Variants in CNOT9 observed in about 807,000 individuals in gnomAD.
CNOT9 encodes the protein RCD1 required for cell differentiation1 homolog.
CNOT9 carries 8 observed loss-of-function variants against 37.4 expected under a neutral mutation model. That is an observed-to-expected ratio of 0.21 (90% confidence interval 0.13 to 0.39). The LOEUF is 0.39. Among genes scored for constraint, CNOT9 ranks in the 10% least tolerant of loss-of-function variants. The pLI is 1.00. For missense variants in CNOT9, 154 were observed against 365.3 expected (o/e 0.42, Z 4.71); for synonymous variants, 120 against 137.6 (o/e 0.87, Z 0.90).
At chr2:218,588,588 C>CTTTTTTTTTTTTTTTTTTTT (rs1172484260) in intron 5 of CNOT9, among the ~76,000 whole-genome samples, 2 of 33,452 alleles carry the variant, frequency 6.0e-5, no homozygotes, top group Non-Finnish European at 9.6e-5. Context: ...TCCACCCGGC[C>CTTTTTTTTTTTTTTTTTTTT]TTTTTTTTTT....
At chr2:218,590,060 T>G (rs56144423) in intron 5 of CNOT9, among the ~76,000 whole-genome samples, 2,825 of 150,858 alleles carry the variant, frequency 0.019, 88 homozygotes, top group African/African-American at 0.065. Context: ...TTCTGTTTTT[T>G]TTTTTGTTGT....
intron 4 of CNOT9, among the ~76,000 whole-genome samples, chr2:218,585,170 C>T (rs1411486905): frequency 6.6e-6 from 1 of 152,092 alleles, no homozygotes; most frequent in Non-Finnish European, 1.5e-5. Flanking sequence ...GATCCTCCTG[C>T]CTCAGCCTCC....
intron 1 of CNOT9, among the ~76,000 whole-genome samples, chr2:218,575,683 G>A (rs768604241): frequency 1.3e-5 from 2 of 152,258 alleles, no homozygotes; most frequent in South Asian, 2.1e-4. Flanking sequence ...GATTACAGGC[G>A]TGAGCCACCG....
intron 1 of CNOT9, among the ~76,000 whole-genome samples, chr2:218,571,832 G>A (rs1490420067): frequency 2.0e-5 from 3 of 147,248 alleles, no homozygotes; most frequent in South Asian, 2.2e-4. Flanking sequence ...TGATCTGCCC[G>A]CCTCAGCCCC....
At position 218,593,554 on chromosome 2, in the gene CNOT9, C is replaced by A; in HGVS notation, c.732-554C>A. 2.0e-6 allele frequency: 3 copies of A among 1,502,312 alleles called. No individual in the cohort carries two copies. The South Asian group carries it at 3.8e-5, about 19-fold the overall frequency. The allele number at this position is 1,502,312 out of a possible 1,614,324, so 93.1% of individuals were successfully genotyped here. On this transcript the variant is annotated intron_variant, in intron 7 of 7. Coordinates refer to ENST00000273064, the MANE Select transcript of CNOT9 (RefSeq NM_005444.3). ...TTTTCAGATTTGACTTTCTGCTGGT[C>A]ATCTTTTCAAAGAAAATGAAACGTT...
At chr2:218,594,080 C>G (rs1694860543) in intron 7 of CNOT9, 28 bp from the exon 8 acceptor site, 2 of 1,611,944 alleles carry the variant, frequency 1.2e-6, no homozygotes, top group Non-Finnish European at 1.7e-6. Flanking sequence ...GTTGGTCTCC[C>G]TGGTTGGTTT....
chr2:218,594,506 C>T lies in CNOT9; in HGVS notation c.*230C>T. 1 of 541,976 alleles carries T rather than the reference C, an allele frequency of 1.8e-6. No individual in the cohort carries two copies. Among genetic ancestry groups the T allele is most frequent in the South Asian group, 2.4e-5 (1 of 41,614 alleles). 33.6% of individuals were successfully genotyped at this position (541,976 alleles called of 1,614,324 possible). A position where few individuals can be genotyped will look rare whatever the true frequency, so the allele number is the denominator to read the frequency against. ...CCCAGGAAATGGGCTCCTGACACAG[C>T]AGTCTGCCACCACAGCCCCAGGAGG... On this transcript the variant is annotated 3_prime_UTR_variant, in exon 8 of 8. Transcript: ENST00000273064.
At chr2:218,583,408 T>C (rs1694484075) in intron 3 of CNOT9, among the ~76,000 whole-genome samples, 1 of 152,196 alleles carries the variant, frequency 6.6e-6, no homozygotes, top group Admixed American at 6.5e-5. Context: ...ATTGACACTA[T>C]GTCATCTGTG....
At chr2:218,585,638 ATT>A (rs535660050) in intron 4 of CNOT9, among the ~76,000 whole-genome samples, 4 of 41,826 alleles carry the variant, frequency 9.6e-5, no homozygotes, top group African/African-American at 1.3e-4. Context: ...TTTTTATTTT[ATT>A]TTTTTTTTTT....
At chr2:218,587,877 C>A (rs1420188348) in intron 5 of CNOT9, among the ~76,000 whole-genome samples, 182 bp downstream of exon 5, 1 of 152,138 alleles carries the variant, frequency 6.6e-6, no homozygotes, top group Non-Finnish European at 1.5e-5. Flanking sequence ...TCAAGTTAAA[C>A]ACTAAATTTC....
rs1333748149 is a variant in CNOT9 at position 218,585,517 on chromosome 2, A to T, written c.430+796A>T. On this transcript the variant is annotated intron_variant, in intron 4 of 7. Coordinates refer to ENST00000273064, the MANE Select transcript of CNOT9 (RefSeq NM_005444.3). Reference sequence around the variant, plus strand: ...GAACCTGGGAGGTGGAGATGCAGTGATTGCAGTGAGCCAAGATCACGCCAC... The same window carrying T: ...GAACCTGGGAGGTGGAGATGCAGTGTTTGCAGTGAGCCAAGATCACGCCAC... 8.0e-5 allele frequency among the ~76,000 whole-genome samples: 12 copies of T among 150,718 alleles called. No individual in the cohort carries two copies. The East Asian group carries it at 2.4e-3, about 30-fold the overall frequency.
At chr2:218,580,461 G>T in intron 1 of CNOT9, 100 bp from the exon 2 acceptor site, 1 of 963,058 alleles carries the variant, frequency 1.0e-6, no homozygotes. Context: ...ACGCTCCCCT[G>T]GTATTCATGA....
Position 218,596,211 on chromosome 2 carries a change from A to C in CNOT9, c.*1935A>C, listed in dbSNP as rs1404548531. 1 of 152,092 alleles carries C rather than the reference A, an allele frequency of 6.6e-6. No homozygotes were observed. Among genetic ancestry groups the C allele is most frequent in the Non-Finnish European group, 1.5e-5 (1 of 68,022 alleles). 9.4% of individuals were successfully genotyped at this position (152,092 alleles called of 1,614,324 possible). ...CTCTCCATCTTTCGGTGCATTGGCC[A>C]TGTTACTGTGCCAAAGTGTCTTAAT... On this transcript the variant is annotated 3_prime_UTR_variant, in exon 8 of 8. Transcript: ENST00000273064.
intron 2 of CNOT9, chr2:218,581,204 T>A (rs1480631856): frequency 6.7e-6 from 2 of 300,152 alleles, no homozygotes; most frequent in Non-Finnish European, 1.4e-5. Flanking sequence ...AATCTCGCTC[T>A]GTCGCCCAGA....
rs978648987 is a variant in CNOT9 at position 218,570,622 on chromosome 2, G to A, written c.24+1644G>A. 3.3e-5 allele frequency among the ~76,000 whole-genome samples: 5 copies of A among 152,112 alleles called. No individual in the cohort carries two copies. In the East Asian group the frequency reaches 9.6e-4, roughly 29 times the overall value. On this transcript the variant is annotated intron_variant, in intron 1 of 7. Transcript: ENST00000273064. ...TTAGGGGAAAGACAGGTTAAATAAG[G>A]GAAATTATTCTAAGGTTGACTTGTC...
At chr2:218,582,147 C>T (rs1224580046) in intron 2 of CNOT9, among the ~76,000 whole-genome samples, 1 of 152,058 alleles carries the variant, frequency 6.6e-6, no homozygotes, top group Non-Finnish European at 1.5e-5. Context: ...ACAGATAGTG[C>T]ATATATTCAC....
chr2:218,594,315 GA>G lies in CNOT9; in HGVS notation c.*42del, dbSNP rs1249948655. Reference sequence around the variant, plus strand: ...CCTCCCACTACTCCCCCAAGTTGGGGAAAGGAGGGGGAACCTACGAGAAAAA... The same window carrying G: ...CCTCCCACTACTCCCCCAAGTTGGGGAAGGAGGGGGAACCTACGAGAAAAA... On this transcript the variant is annotated 3_prime_UTR_variant, in exon 8 of 8. Coordinates refer to ENST00000273064, the MANE Select transcript of CNOT9 (RefSeq NM_005444.3). 6.4e-7 allele frequency: 1 copy of G among 1,564,796 alleles called. No homozygotes were observed. The highest frequency in any genetic ancestry group is 8.7e-7 in the Non-Finnish European group (1 of 1,152,610).
Position 218,596,352 on chromosome 2 carries a change from C to T in CNOT9, c.*2076C>T, listed in dbSNP as rs1314350285. The stretch of plus-strand genomic sequence containing the variant: ...CTGGTGTGTGTATTATATAAAGAGA[C>T]CCCTCCCCTTATTTTGTGTTTTCCA... On this transcript the variant is annotated 3_prime_UTR_variant, in exon 8 of 8. Transcript: ENST00000273064. The T allele has an allele frequency of 6.6e-6, 1 of 152,146 alleles. No individual in the cohort carries two copies. Among genetic ancestry groups the T allele is most frequent in the Non-Finnish European group, 1.5e-5 (1 of 68,040 alleles). The allele number at this position is 152,146 out of a possible 1,614,324, so 9.4% of individuals were successfully genotyped here. A position where few individuals can be genotyped will look rare whatever the true frequency, so the allele number is the denominator to read the frequency against.
rs560143407 is a variant in CNOT9 at position 218,592,357 on chromosome 2, T to C, written c.594T>C (p.Tyr198=). 3.0e-5 allele frequency: 49 copies of C among 1,614,174 alleles called. 1 individual carries two copies. The Middle Eastern group carries it at 1.5e-3, about 49-fold the overall frequency. The part of the protein sequence containing the change: ...KILLDDTGLA[Y]ICQTYERFSH... Reference sequence around the variant, plus strand: ...TGTTAGATGACACTGGTTTGGCTTATATATGTCAGACGTATGAGCGTTTCT... The same window carrying C: ...TGTTAGATGACACTGGTTTGGCTTACATATGTCAGACGTATGAGCGTTTCT... Residue 198 remains tyrosine, a synonymous_variant, in exon 6 of 8, where the codon TAT becomes TAC. Transcript: ENST00000273064. The surrounding 1 kb of genome is among the most constrained non-coding windows in gnomAD (Gnocchi z 4.1).
Sources: allele counts gnomAD v4.1 joint callset (sites outside exome capture counted in the v4.1 genomes callset), GRCh38; gene constraint gnomAD v4.1.1; non-coding constraint Gnocchi (gnomAD v3.1); transcripts MANE v1.5; gene names NCBI Gene and HGNC (gene_info 2026-07-23, HGNC 2026-07-21).